PDPR: variants seen among roughly 807,000 people sequenced by gnomAD.
The protein encoded by PDPR is pyruvate dehydrogenase phosphatase regulatory subunit, mitochondrial.
In PDPR, 50 loss-of-function variants were observed where a neutral mutation model predicts 102.2. The ratio of observed to expected loss-of-function variants is 0.49; its 90% CI spans 0.39 to 0.62. PDPR has a LOEUF of 0.62. Among genes scored for constraint, PDPR ranks in the 20% least tolerant of loss-of-function variants. The pLI, the probability that PDPR is intolerant of heterozygous loss-of-function variation, is 0.00. For synonymous variants in PDPR, 259 were observed against 406.0 expected, an observed-to-expected ratio of 0.64 and a Z score of 4.35; for missense variants, 625 against 1,098.2, an observed-to-expected ratio of 0.57 and a Z score of 6.09.
At chr16:70,138,207 A>ATTTTTTTTTTTTTT (rs1201065640) in intron 10 of PDPR, among the ~76,000 whole-genome samples, 89 of 94,030 alleles carry the variant, frequency 9.5e-4, no homozygotes, top group Non-Finnish European at 1.4e-3. Flanking sequence ...ACGCCGGCTA[A>ATTTTTTTTTTTTTT]TTTTTTTTTT....
chr16:70,124,604 C>G (rs1485793370), intron 3 of PDPR, among the ~76,000 whole-genome samples: 1 of 152,246 alleles, frequency 6.6e-6, no homozygotes, highest in African/African-American at 2.4e-5. Context: ...TTAAAAGCTT[C>G]CCCGGGGACT....
chr16:70,134,392 G>C (rs1208906269), intron 9 of PDPR, among the ~76,000 whole-genome samples: 1 of 151,760 alleles, frequency 6.6e-6, no homozygotes, highest in African/African-American at 2.4e-5. Flanking sequence ...CGCAGAGCCA[G>C]TTTTTGTGTT....
chr16:70,153,641 A>G lies in PDPR; in HGVS notation c.2235+68A>G, dbSNP rs973125829. Reference sequence around the variant, plus strand: ...GTAGTGAATCTGCACTAGACTAGGAAGAAGAACTGATGTGACAGGAAAAGG... The same window carrying G: ...GTAGTGAATCTGCACTAGACTAGGAGGAAGAACTGATGTGACAGGAAAAGG... On this transcript the variant is annotated intron_variant, in intron 18 of 18. Transcript: ENST00000288050. 12 of 1,455,976 alleles carry G rather than the reference A, an allele frequency of 8.2e-6. No individual in the cohort carries two copies. The African/African-American group carries it at 1.6e-4, about 19-fold the overall frequency. 90.2% of individuals were successfully genotyped at this position (1,455,976 alleles called of 1,614,324 possible). A position where few individuals can be genotyped will look rare whatever the true frequency, so the allele number is the denominator to read the frequency against.
At position 70,161,956 on chromosome 16, in the gene PDPR, A is replaced by G. The variant is rs1483532710; in HGVS notation, c.*5077A>G. ...TTTTAGCATCTCTTTCAAAAGATGT[A>G]TGTCAGAATTTCCTTTGCACACCAA... On this transcript the variant is annotated 3_prime_UTR_variant, in exon 19 of 19. Transcript: ENST00000288050. 2 of 152,360 alleles carry G rather than the reference A, an allele frequency of 1.3e-5. No homozygotes were observed. The highest frequency in any genetic ancestry group is 1.5e-5 in the Non-Finnish European group (1 of 68,098). The allele number at this position is 152,360 out of a possible 1,614,324, so 9.4% of individuals were successfully genotyped here.
intron 9 of PDPR, 104 bp downstream of exon 9, chr16:70,132,404 G>A (rs543098488): frequency 4.7e-5 from 56 of 1,180,274 alleles, no homozygotes; most frequent in South Asian, 4.3e-4. Flanking sequence ...TTATAACATC[G>A]CCATGAGGTA....
chr16:70,115,557 G>A (rs866050053), intron 2 of PDPR, among the ~76,000 whole-genome samples: 1 of 152,318 alleles, frequency 6.6e-6, no homozygotes, highest in Middle Eastern at 3.4e-3. Context: ...TGTCCCAGGT[G>A]GTTCTTTTGC....
intron 9 of PDPR, among the ~76,000 whole-genome samples, chr16:70,135,877 G>T (rs932194646): frequency 7.2e-5 from 11 of 152,332 alleles, no homozygotes; most frequent in Admixed American, 5.9e-4. Flanking sequence ...AAACTAGTGT[G>T]GCCATCATGG....
At position 70,157,388 on chromosome 16, in the gene PDPR, G is replaced by C. The variant is rs1967340833; in HGVS notation, c.*509G>C. 1 of 365,146 alleles carries C rather than the reference G, an allele frequency of 2.7e-6. No individual in the cohort carries two copies. The highest frequency in any genetic ancestry group is 5.4e-6 in the Non-Finnish European group (1 of 186,518). 22.6% of individuals were successfully genotyped at this position (365,146 alleles called of 1,614,324 possible). On this transcript the variant is annotated 3_prime_UTR_variant, in exon 19 of 19. Coordinates refer to ENST00000288050, the MANE Select transcript of PDPR (RefSeq NM_017990.5). Reference sequence around the variant, plus strand: ...CGGCAGCTCGTTCTCCTGTTCTGCTGTGCTGTGGGCTGGCACTCGATACCT... The same window carrying C: ...CGGCAGCTCGTTCTCCTGTTCTGCTCTGCTGTGGGCTGGCACTCGATACCT...
intron 4 of PDPR, among the ~76,000 whole-genome samples, chr16:70,128,474 C>T (rs1361052220): frequency 2.6e-5 from 4 of 152,350 alleles, no homozygotes; most frequent in African/African-American, 9.6e-5. Flanking sequence ...ATGATCCGCC[C>T]CCCTCAGCCT....
intron 7 of PDPR, among the ~76,000 whole-genome samples, chr16:70,130,913 T>C (rs1964475851): frequency 6.6e-6 from 1 of 152,298 alleles, no homozygotes; most frequent in Non-Finnish European, 1.5e-5. Flanking sequence ...CACTGCTTCT[T>C]TTAAAGCAGA....
chr16:70,114,078 T>A (rs1362938498), upstream of PDPR: 1 of 152,152 alleles, frequency 6.6e-6, no homozygotes, highest in Non-Finnish European at 1.5e-5. Flanking sequence ...AGGCCCCGGT[T>A]CTAAAACGGC....
chr16:70,127,060 C>T (rs1210908944), intron 3 of PDPR, among the ~76,000 whole-genome samples, 200 bp from the exon 4 acceptor site: 2 of 152,362 alleles, frequency 1.3e-5, no homozygotes, highest in South Asian at 2.1e-4. Flanking sequence ...GTTGACCAGG[C>T]TGGTCGTAAA....
At chr16:70,148,849 A>T (rs1966467087) in intron 17 of PDPR, among the ~76,000 whole-genome samples, 1 of 152,232 alleles carries the variant, frequency 6.6e-6, no homozygotes, top group Non-Finnish European at 1.5e-5. Flanking sequence ...TATTACTTTT[A>T]TATGTCATTT....
intron 6 of PDPR, among the ~76,000 whole-genome samples, chr16:70,130,167 C>T (rs1179428680): frequency 1.3e-5 from 2 of 152,262 alleles, no homozygotes; most frequent in African/African-American, 4.8e-5. Flanking sequence ...GTGGTGCATG[C>T]CTGTAATCCC....
At chr16:70,135,850 T>C (rs1473985927) in intron 9 of PDPR, among the ~76,000 whole-genome samples, 2 of 152,218 alleles carry the variant, frequency 1.3e-5, no homozygotes, top group African/African-American at 4.8e-5. Flanking sequence ...GGCAGATCAC[T>C]TGAGGTCAAG....
At chr16:70,122,306 C>A (rs770297982) in intron 3 of PDPR, among the ~76,000 whole-genome samples, 137 of 152,330 alleles carry the variant, frequency 9.0e-4, no homozygotes, top group Non-Finnish European at 1.7e-3. Flanking sequence ...GTCTTGTGAT[C>A]AGACTTGGGT....
chr16:70,130,544 G>T lies in PDPR; in HGVS notation c.729G>T (p.Gln243His), dbSNP rs1334098884. 4 of 1,613,824 alleles carry T rather than the reference G, an allele frequency of 2.5e-6. No individual in the cohort carries two copies. Among genetic ancestry groups the T allele is most frequent in the Admixed American group, 3.3e-5 (2 of 59,970 alleles). ...AGTATTTTGTCAACTGTGCTGGCCA[G>T]GTAGGTCAGCACCAACACTGCTGTT... Reference protein sequence around the residue: ...ECQYFVNCAGQWAYELGLSNE... With the variant: ...ECQYFVNCAGHWAYELGLSNE... The change falls in exon 7 of 19, where the codon CAG becomes CAT. Residue 243 changes from glutamine (Q) to histidine (H), a missense_variant and splice_region_variant. By Grantham distance (24) the Gln-to-His change is conservative. Around this residue, in one of 11 missense-constraint regions of PDPR, gnomAD observed 35 missense variants for 63.5 expected, o/e 0.55. Coordinates refer to ENST00000288050, the MANE Select transcript of PDPR (RefSeq NM_017990.5).
At chr16:70,134,794 AAAAAAT>A (rs1324930537) in intron 9 of PDPR, among the ~76,000 whole-genome samples, 2 of 148,868 alleles carry the variant, frequency 1.3e-5, no homozygotes, top group African/African-American at 4.9e-5. Context: ...TCAAAAAAAA[AAAAAAT>A]AATAATAATA....
At chr16:70,115,285 G>A (rs1438209992) in intron 2 of PDPR, among the ~76,000 whole-genome samples, 3 of 151,986 alleles carry the variant, frequency 2.0e-5, no homozygotes, top group Admixed American at 6.6e-5. Flanking sequence ...CACCACGCCC[G>A]GCTAATTTTT....
Sources: allele counts gnomAD v4.1 joint callset (sites outside exome capture counted in the v4.1 genomes callset), GRCh38; gene constraint gnomAD v4.1.1; regional missense constraint gnomAD v4.1.1; transcripts MANE v1.5; gene names NCBI Gene and HGNC (gene_info 2026-07-23, HGNC 2026-07-21).